The following ATP6V1B1 variants were observed in gnomAD, a reference collection of about 807,000 sequenced individuals.
ATP6V1B1 encodes the protein V-type proton ATPase subunit B, kidney isoform.
ATP6V1B1 carries 41 observed loss-of-function variants against 62.1 expected under a neutral mutation model. That is an observed-to-expected ratio of 0.66 (90% CI 0.51 to 0.86). The LOEUF (loss-of-function observed/expected upper bound fraction) is 0.86. ATP6V1B1 is among the 40% of genes least tolerant of loss of function. The pLI is 0.00. For missense variants in ATP6V1B1, 651 were observed against 697.5 expected, an observed-to-expected ratio of 0.93 and a Z score of 0.75; for synonymous variants, 253 against 273.4, an observed-to-expected ratio of 0.93 and a Z score of 0.74.
At chr2:70,936,927 G>T (rs1679867215) in intron 1 of ATP6V1B1, among the ~76,000 whole-genome samples, 1 of 152,114 alleles carries the variant, frequency 6.6e-6, no homozygotes. Flanking sequence ...GTCCTGCAAG[G>T]GTGGCCCAGA....
In ATP6V1B1 at chr2:70,963,440, T is replaced by C. The variant is rs1198482161; in HGVS notation, c.1060+128T>C. ...GCTTTTCCTCCATCGAGATAGACAC[T>C]GCCCTTTCCTCCACCATCCATGCCC... On this transcript the variant is annotated intron_variant, in intron 10 of 13. Coordinates refer to ENST00000234396, the MANE Select transcript of ATP6V1B1 (RefSeq NM_001692.4). This position sits in a 1 kb window ranked among gnomAD's most constrained non-coding sequence, Gnocchi z 4.3. 2.6e-6 allele frequency: 4 copies of C among 1,531,270 alleles called. No homozygotes were observed. In the African/African-American group the frequency reaches 5.5e-5, roughly 21 times the overall value. 94.9% of individuals were successfully genotyped at this position (1,531,270 alleles called of 1,614,324 possible).
intron 2 of ATP6V1B1, among the ~76,000 whole-genome samples, chr2:70,951,742 A>C (rs977370106): frequency 6.6e-6 from 1 of 152,100 alleles, no homozygotes; most frequent in African/African-American, 2.4e-5. Flanking sequence ...TACTAAAAAT[A>C]CAAAACATTA....
intron 2 of ATP6V1B1, chr2:70,948,586 A>G (rs12620379): frequency 0.2 from 30,508 of 153,316 alleles, 3,163 homozygotes; most frequent in Admixed American, 0.26. Context: ...CGTGTGTTCC[A>G]CGCGTTTCCC....
rs1553420693 is a variant in ATP6V1B1 at position 70,964,501 on chromosome 2, G to A, written c.1207G>A (p.Gly403Ser). ...GCTGATGAAGTCAGCCATTGGGGAA[G>A]GCATGACAAGAAAGGACCATGGAGA... ...SRLMKSAIGE[G>S]MTRKDHGDVS... The change falls in exon 12 of 14, where the codon GGC becomes AGC. Residue 403 changes from glycine to serine, a missense_variant. Gly to Ser is a moderately conservative substitution (Grantham distance 56). Transcript: ENST00000234396. 1.2e-6 allele frequency: 2 copies of A among 1,614,172 alleles called. No individual in the cohort carries two copies. The highest frequency in any genetic ancestry group is 4.5e-5 in the East Asian group (2 of 44,876).
rs782735976 is a variant in ATP6V1B1 at position 70,962,782 on chromosome 2, A to T, written c.791A>T (p.Glu264Val). 24 of 1,613,804 alleles carry T rather than the reference A, an allele frequency of 1.5e-5. No homozygotes were observed. The South Asian group carries it at 2.5e-4, about 17-fold the overall frequency. ...FLNLANDPTI[E>V]RIITPRLALT... ...ACACCTGGCTACACCTCCAGGATCG[A>T]GCGGATCATCACCCCGCGCCTGGCG... The change falls in exon 9 of 14, where the codon GAG becomes GTG. Residue 264 changes from glutamate to valine, a missense_variant. Physicochemically the swap from Glu to Val is moderately radical, Grantham distance 121 (BLOSUM62 -2). Transcript: ENST00000234396.
chr2:70,962,998 C>T, intron 9 of ATP6V1B1, 98 bp downstream of exon 9: 2 of 1,602,038 alleles, frequency 1.2e-6, no homozygotes, highest in Middle Eastern at 1.7e-4. Context: ...GCTGGTCCAC[C>T]CAAGCCTGCC....
At chr2:70,948,381 G>GAA (rs35598289) in intron 2 of ATP6V1B1, 19,900 of 154,810 alleles carry the variant, frequency 0.13, 1,358 homozygotes, top group South Asian at 0.2. Flanking sequence ...TAGGACTACA[G>GAA]AAAATGATCA....
chr2:70,944,077 TC>T (rs1680084648), intron 2 of ATP6V1B1: 1 of 1,288,188 alleles, frequency 7.8e-7, no homozygotes, highest in African/African-American at 1.5e-5. Flanking sequence ...CCTAACCTCC[TC>T]GAGGGCTAGA....
Position 70,936,029 on chromosome 2 carries a change from C to T in ATP6V1B1, c.75C>T (p.His25=), listed in dbSNP as rs782596977. 66 of 1,613,968 alleles carry T rather than the reference C, an allele frequency of 4.1e-5. No homozygotes were observed. Among genetic ancestry groups the T allele is most frequent in the Non-Finnish European group, 5.4e-5 (64 of 1,179,964 alleles). Residue 25 remains histidine, a synonymous_variant, in exon 1 of 14, where the codon CAC becomes CAT. Coordinates refer to ENST00000234396, the MANE Select transcript of ATP6V1B1 (RefSeq NM_001692.4). ...GCAACCTAGGTGCAGCCCGAGAACA[C>T]ATGCAGGCGGTCACCCGAAACTACA... ...SSCNLGAARE[H]MQAVTRNYIT...
chr2:70,956,941 GT>G (rs1558676712), intron 2 of ATP6V1B1, among the ~76,000 whole-genome samples: 1 of 151,988 alleles, frequency 6.6e-6, no homozygotes, highest in East Asian at 1.9e-4. Context: ...TCTCATTGTG[GT>G]TTTGATTTTC....
intron 2 of ATP6V1B1, among the ~76,000 whole-genome samples, chr2:70,957,236 C>G (rs1273705718): frequency 3.1e-5 from 4 of 130,328 alleles, no homozygotes; most frequent in Non-Finnish European, 4.8e-5. Flanking sequence ...CAGGTGTGCA[C>G]CACCACACCT....
At chr2:70,943,601 T>G (rs1233025946) in intron 1 of ATP6V1B1, 57 bp from the exon 2 acceptor site, 1 of 1,558,594 alleles carries the variant, frequency 6.4e-7, no homozygotes, top group Non-Finnish European at 8.8e-7. Flanking sequence ...GATGCCTCTG[T>G]GTGTGTGAGC....
chr2:70,944,949 G>A (rs1680120871), intron 2 of ATP6V1B1, among the ~76,000 whole-genome samples: 1 of 152,136 alleles, frequency 6.6e-6, no homozygotes, highest in Admixed American at 6.5e-5. Context: ...TTACAGGCGT[G>A]AGCCACCGTG....
rs1680001541 is a variant in ATP6V1B1 at position 70,941,363 on chromosome 2, C to T, written c.119-2295C>T. On this transcript the variant is annotated intron_variant, in intron 1 of 13. Coordinates refer to ENST00000234396, the MANE Select transcript of ATP6V1B1 (RefSeq NM_001692.4). The stretch of plus-strand genomic sequence containing the variant: ...GAGCCTGTGCATGCCAGCCCACTGC[C>T]CCTCTTTCTGTTCCACGAAGGCCCT... 1.1e-5 allele frequency: 11 copies of T among 985,664 alleles called. No individual in the cohort carries two copies. The East Asian group carries it at 3.4e-4, about 30-fold the overall frequency. 61.1% of individuals were successfully genotyped at this position (985,664 alleles called of 1,614,324 possible).
In ATP6V1B1 at chr2:70,962,727, T is replaced by C. The variant is rs76701704; in HGVS notation, c.786-50T>C. On this transcript the variant is annotated intron_variant, in intron 8 of 13. Coordinates refer to ENST00000234396, the MANE Select transcript of ATP6V1B1 (RefSeq NM_001692.4). ...TGCGCTCAGCCCCCAGGCTATGTGG[T>C]GCATTAGCCCAGGCCTCCAGGCTCT... is the stretch of plus-strand genomic sequence containing the variant. 0.016 allele frequency: 26,503 copies of C among 1,608,860 alleles called. 1,430 individuals carry two copies. The African/African-American group carries it at 0.18, about 11-fold the overall frequency.
At chr2:70,961,414 G>T (rs782680938) in intron 7 of ATP6V1B1, among the ~76,000 whole-genome samples, 182 bp from the exon 8 acceptor site, 2 of 152,214 alleles carry the variant, frequency 1.3e-5, no homozygotes, top group Non-Finnish European at 2.9e-5. Flanking sequence ...TATGAGGACT[G>T]GGGCAGCAAA....
In ATP6V1B1 at chr2:70,963,749, C is replaced by T. The variant is rs1680646127; in HGVS notation, c.1143+95C>T. 2.1e-6 allele frequency: 3 copies of T among 1,397,700 alleles called. No homozygotes were observed. Among genetic ancestry groups the T allele is most frequent in the Non-Finnish European group, 3.0e-6 (3 of 996,348 alleles). The allele number at this position is 1,397,700 out of a possible 1,614,324, so 86.6% of individuals were successfully genotyped here. On this transcript the variant is annotated intron_variant, in intron 11 of 13. Transcript: ENST00000234396. The surrounding 1 kb of genome is among the most constrained non-coding windows in gnomAD (Gnocchi z 4.3). ...CCCCCAGGCATGAATTAGGAGGGGC[C>T]AGCCAAAGCGAACCCCAAACAGGAG...
chr2:70,936,131 C>A, intron 1 of ATP6V1B1, 59 bp downstream of exon 1: 1 of 1,558,850 alleles, frequency 6.4e-7, no homozygotes, highest in Non-Finnish European at 8.8e-7. Context: ...GGTGGGCTGC[C>A]AGGTTCCCGG....
At chr2:70,939,565 A>T (rs1469365994) in intron 1 of ATP6V1B1, 3 of 152,286 alleles carry the variant, frequency 2.0e-5, no homozygotes, top group Non-Finnish European at 2.9e-5. Flanking sequence ...ACACGGAGGT[A>T]GGGGCGGCAG....
Sources: gnomAD v4.1 joint callset for allele counts (sites outside exome capture counted in the v4.1 genomes callset) on GRCh38, gnomAD v4.1.1 for gene constraint, Gnocchi (gnomAD v3.1) non-coding constraint, MANE v1.5 for transcripts, NCBI Gene and HGNC (gene_info 2026-07-23, HGNC 2026-07-21) for gene names.